HIBCH: variants seen among roughly 807,000 people sequenced by gnomAD.
HIBCH encodes the protein 3-hydroxyisobutyryl-CoA hydrolase, mitochondrial.
A neutral mutation model predicts 58.2 loss-of-function variants in HIBCH; 50 were observed. The observed-to-expected ratio is 0.86, with a 90% CI of 0.68 to 1.09. HIBCH has a LOEUF of 1.09. Ranked by LOEUF, HIBCH falls within the 50% of genes least tolerant of loss-of-function variation. The probability of loss-of-function intolerance (pLI) is 0.00; values close to 1 mark genes in which losing one functional copy is unlikely to be tolerated. For synonymous variants in HIBCH, 151 were observed against 146.9 expected (o/e 1.03, Z -0.20); for missense variants, 450 against 449.7 (o/e 1.00, Z -0.01).
intron 1 of HIBCH, among the ~76,000 whole-genome samples, chr2:190,312,666 A>G (rs938644056): frequency 1.3e-5 from 2 of 152,258 alleles, no homozygotes; most frequent in Non-Finnish European, 2.9e-5. Flanking sequence ...TTCAAATTGA[A>G]TAATACTATA....
chr2:190,239,902 G>A (rs760303656), intron 11 of HIBCH, among the ~76,000 whole-genome samples: 13 of 152,070 alleles, frequency 8.5e-5, no homozygotes, highest in African/African-American at 1.2e-4. Flanking sequence ...TGCCCGCTTC[G>A]GCCTCCCAAA....
chr2:190,243,703 C>T lies in HIBCH; in HGVS notation c.891+1184G>A, dbSNP rs1686517601. ...CAGTAAAAGGCCGGGTGTGGTGGCT[C>T]ACACCTGTAATCCCAGCACTTTGGG... is the stretch of plus-strand genomic sequence containing the variant. On this transcript the variant is annotated intron_variant, in intron 11 of 13. Transcript: ENST00000359678. The surrounding 1 kb of genome is among the most constrained non-coding windows in gnomAD (Gnocchi z 4.1). Among the ~76,000 whole-genome samples the T allele has an allele frequency of 6.6e-6, 1 of 152,150 alleles. No individual in the cohort carries two copies. Among genetic ancestry groups the T allele is most frequent in the Non-Finnish European group, 1.5e-5 (1 of 68,024 alleles).
chr2:190,248,306 AG>A (rs1686667145), intron 9 of HIBCH, among the ~76,000 whole-genome samples: 1 of 152,150 alleles, frequency 6.6e-6, no homozygotes, highest in Admixed American at 6.5e-5. Context: ...TGTGTTATTA[AG>A]GGGTCCATGA....
At chr2:190,241,789 C>T (rs1686461441) in intron 11 of HIBCH, among the ~76,000 whole-genome samples, 1 of 152,122 alleles carries the variant, frequency 6.6e-6, no homozygotes, top group Non-Finnish European at 1.5e-5. Flanking sequence ...TGAATATTGG[C>T]CCCCACTCTC....
At chr2:190,212,841 A>T in intron 12 of HIBCH, 115 bp downstream of exon 12, 1 of 901,344 alleles carries the variant, frequency 1.1e-6, no homozygotes, top group South Asian at 1.5e-5. Flanking sequence ...TTTGTAGAGT[A>T]AATTTACAGG....
At chr2:190,309,286 T>G (rs532248217) in intron 2 of HIBCH, among the ~76,000 whole-genome samples, 4 of 152,186 alleles carry the variant, frequency 2.6e-5, no homozygotes, top group African/African-American at 4.8e-5. Context: ...AAATAAGAGA[T>G]CTGTAGTATG....
At chr2:190,289,062 G>A (rs2105983659) in intron 5 of HIBCH, among the ~76,000 whole-genome samples, 1 of 152,256 alleles carries the variant, frequency 6.6e-6, no homozygotes, top group East Asian at 1.9e-4. Context: ...AGTGAGCCAA[G>A]ATCGCACCAC....
intron 2 of HIBCH, among the ~76,000 whole-genome samples, chr2:190,303,818 C>A (rs150590430): frequency 8.0e-4 from 122 of 152,240 alleles, no homozygotes; most frequent in African/African-American, 2.9e-3. Flanking sequence ...GTTAGCATTA[C>A]CAATGATGTC....
At chr2:190,257,135 T>C (rs1267167444) in intron 7 of HIBCH, among the ~76,000 whole-genome samples, 2 of 152,096 alleles carry the variant, frequency 1.3e-5, no homozygotes, top group East Asian at 3.9e-4. Flanking sequence ...AAGCACATCA[T>C]AATCAAATAG....
chr2:190,247,026 C>T (rs1233228670), intron 9 of HIBCH, among the ~76,000 whole-genome samples: 1 of 151,060 alleles, frequency 6.6e-6, no homozygotes, highest in South Asian at 2.1e-4. Context: ...TAAACCTGTG[C>T]CATTGTAGGC....
intron 11 of HIBCH, among the ~76,000 whole-genome samples, chr2:190,223,635 T>C (rs934923645): frequency 2.0e-5 from 3 of 152,102 alleles, no homozygotes; most frequent in African/African-American, 7.3e-5. Context: ...ATATAATTAG[T>C]TCTTAGAGGA....
downstream of HIBCH, chr2:190,199,906 T>C (rs1690166286): frequency 6.2e-7 from 1 of 1,614,052 alleles, no homozygotes; most frequent in Non-Finnish European, 8.5e-7. Context: ...TCCTACCATA[T>C]ATGAAGGTGA....
chr2:190,292,029 C>CTG (rs796722967), intron 4 of HIBCH, among the ~76,000 whole-genome samples: 49 of 152,336 alleles, frequency 3.2e-4, no homozygotes, highest in African/African-American at 1.1e-3. Flanking sequence ...GTTGCCCAGG[C>CTG]TGGAGTACAG....
At chr2:190,253,254 T>C (rs1686830198) in intron 7 of HIBCH, among the ~76,000 whole-genome samples, 2 of 152,136 alleles carry the variant, frequency 1.3e-5, no homozygotes, top group Admixed American at 1.3e-4. Flanking sequence ...CACACTCCTT[T>C]GGGTGTTTAA....
chr2:190,194,249 C>T (rs1212559532), intron 1 of HIBCH, among the ~76,000 whole-genome samples: 3 of 152,080 alleles, frequency 2.0e-5, no homozygotes, highest in African/African-American at 7.2e-5. Flanking sequence ...AATATCAACT[C>T]AAGTTGGAGC....
At chr2:190,212,454 T>C (rs1690535070) in intron 12 of HIBCH, among the ~76,000 whole-genome samples, 1 of 152,196 alleles carries the variant, frequency 6.6e-6, no homozygotes. Flanking sequence ...AAATATGAGA[T>C]GTTTCATGAA....
In HIBCH at chr2:190,212,312, T is replaced by C. The variant is rs565657345; in HGVS notation, c.1011+644A>G. 1.6e-4 allele frequency among the ~76,000 whole-genome samples: 25 copies of C among 152,360 alleles called. No homozygotes were observed. The East Asian group carries it at 3.9e-3, about 23-fold the overall frequency. On this transcript the variant is annotated intron_variant, in intron 12 of 13. Coordinates refer to ENST00000359678, the MANE Select transcript of HIBCH (RefSeq NM_014362.4). ...AAAGTCATTAGGAATGTCTCCTTTC[T>C]GGCTATTAAGCCAAATAGTCCCTTT... is the stretch of plus-strand genomic sequence containing the variant.
At chr2:190,310,660 A>C (rs1410706744) in intron 2 of HIBCH, 94 bp downstream of exon 2, 1 of 1,026,324 alleles carries the variant, frequency 9.7e-7, no homozygotes, top group East Asian at 2.4e-5. Flanking sequence ...AAGGTCAAGG[A>C]AATCTGCCAT....
chr2:190,294,790 C>T (rs1688062025), intron 3 of HIBCH, among the ~76,000 whole-genome samples, 160 bp from the exon 4 acceptor site: 1 of 152,128 alleles, frequency 6.6e-6, no homozygotes, highest in Non-Finnish European at 1.5e-5. Context: ...CGAATCTCAT[C>T]CCATTCCTTA....
Sources: gnomAD v4.1 joint callset for allele counts (sites outside exome capture counted in the v4.1 genomes callset) on GRCh38, gnomAD v4.1.1 for gene constraint, Gnocchi (gnomAD v3.1) non-coding constraint, MANE v1.5 for transcripts, NCBI Gene and HGNC (gene_info 2026-07-23, HGNC 2026-07-21) for gene names.